USH2A: variants seen among roughly 807,000 people sequenced by gnomAD.
The protein encoded by USH2A is Usher syndrome 2A (autosomal recessive, mild).
USH2A carries 443 observed loss-of-function variants against 538.9 expected under a neutral mutation model. That is an observed-to-expected ratio of 0.82 (90% CI 0.76 to 0.89). The LOEUF (loss-of-function observed/expected upper bound fraction) is 0.89, where lower values mean the gene tolerates loss of function less well. Ranked by LOEUF, USH2A falls within the 40% of genes least tolerant of loss-of-function variation. USH2A has a pLI of 0.00. For missense variants in USH2A, 6,633 were observed against 6,324.8 expected (o/e 1.05, Z -1.65); for synonymous variants, 2,413 against 2,273.5 (o/e 1.06, Z -1.75).
intron 35 of USH2A, among the ~76,000 whole-genome samples, chr1:215,983,026 C>G (rs1280632570): frequency 1.3e-5 from 2 of 152,212 alleles, no homozygotes; most frequent in Non-Finnish European, 2.9e-5. Context: ...TCTCGGCTCA[C>G]TGGAACCTCC....
chr1:215,657,390 A>T (rs2102650100), intron 64 of USH2A, among the ~76,000 whole-genome samples: 1 of 152,384 alleles, frequency 6.6e-6, no homozygotes, highest in East Asian at 1.9e-4. Flanking sequence ...CAATGCAATG[A>T]ATTTGAAATT....
intron 30 of USH2A, among the ~76,000 whole-genome samples, chr1:216,068,832 C>T (rs539264887): frequency 2.6e-4 from 39 of 152,228 alleles, no homozygotes; most frequent in African/African-American, 8.4e-4. Context: ...ATTCATCCAA[C>T]CCCTAATAAC....
chr1:215,948,703 T>G (rs1194765981), intron 37 of USH2A, among the ~76,000 whole-genome samples: 1 of 152,042 alleles, frequency 6.6e-6, no homozygotes, highest in Non-Finnish European at 1.5e-5. Flanking sequence ...GGACATAATT[T>G]TATAAGGATT....
chr1:216,291,756 A>C (rs1410845546), intron 10 of USH2A, among the ~76,000 whole-genome samples: 1 of 152,240 alleles, frequency 6.6e-6, no homozygotes, highest in African/African-American at 2.4e-5. Context: ...ACCAGTGTCC[A>C]TGCCAAATCT....
At chr1:216,287,517 T>C (rs2036909243) in intron 11 of USH2A, among the ~76,000 whole-genome samples, 1 of 152,148 alleles carries the variant, frequency 6.6e-6, no homozygotes, top group Non-Finnish European at 1.5e-5. Context: ...TAGATTGAAA[T>C]TGATTATGGT....
At chr1:216,419,486 A>G (rs2039639233) in intron 2 of USH2A, among the ~76,000 whole-genome samples, 1 of 151,988 alleles carries the variant, frequency 6.6e-6, no homozygotes, top group African/African-American at 2.4e-5. Flanking sequence ...TCACCTGGTT[A>G]CCTCCTACTT....
At chr1:216,078,759 A>G (rs1432805164) in intron 26 of USH2A, among the ~76,000 whole-genome samples, 4 of 152,160 alleles carry the variant, frequency 2.6e-5, no homozygotes, top group Admixed American at 2.6e-4. Flanking sequence ...ATACTACTTC[A>G]TATATCAATT....
chr1:216,386,526 ACAAAAAC>A (rs1348366647), intron 3 of USH2A, among the ~76,000 whole-genome samples: 12 of 103,648 alleles, frequency 1.2e-4, no homozygotes, highest in Admixed American at 4.7e-4. Context: ...CAAACAAAAA[ACAAAAAC>A]CAAAAAACTA....
chr1:216,386,967 CT>C (rs2039019566), intron 3 of USH2A, among the ~76,000 whole-genome samples: 1 of 152,192 alleles, frequency 6.6e-6, no homozygotes, highest in African/African-American at 2.4e-5. Context: ...ACTCTAAGAA[CT>C]TTATCACAGA....
chr1:215,647,599 T>C lies in USH2A; in HGVS notation c.14714A>G (p.Tyr4905Cys), dbSNP rs773483806. 6 of 1,614,098 alleles carry C rather than the reference T, an allele frequency of 3.7e-6. No individual in the cohort carries two copies. Among genetic ancestry groups the C allele is most frequent in the Non-Finnish European group, 5.1e-6 (6 of 1,180,018 alleles). The change falls in exon 67 of 72, where the codon TAC (tyrosine) becomes TGC (cysteine). Residue 4905 changes from tyrosine to cysteine, a missense_variant. Transcript: ENST00000307340. ...GTTGTGTGCCACCACTCTCAGCTTGTATGTGGTGTAGGGCTGGAGACCCCC... is the reference window on the plus strand; with the variant it reads ...GTTGTGTGCCACCACTCTCAGCTTGCATGTGGTGTAGGGCTGGAGACCCCC... ...SLGGLQPYTT[Y>C]KLRVVAHNEV...
chr1:216,418,198 T>A (rs1410475987), intron 3 of USH2A, among the ~76,000 whole-genome samples: 2 of 152,100 alleles, frequency 1.3e-5, no homozygotes, highest in Non-Finnish European at 2.9e-5. Flanking sequence ...AAATGAGCCC[T>A]TACACATTTT....
intron 44 of USH2A, 133 bp from the exon 45 acceptor site, chr1:215,846,166 A>G (rs1282845292): frequency 4.9e-6 from 4 of 808,986 alleles, no homozygotes; most frequent in Admixed American, 4.9e-5. Flanking sequence ...TGTTAAAAAA[A>G]GCTTATGAGA....
intron 49 of USH2A, among the ~76,000 whole-genome samples, chr1:215,812,909 A>G (rs1662736229): frequency 6.6e-6 from 1 of 152,180 alleles, no homozygotes; most frequent in Non-Finnish European, 1.5e-5. Context: ...ACATACTTAT[A>G]TTCACATTTT....
intron 43 of USH2A, among the ~76,000 whole-genome samples, chr1:215,870,062 G>A (rs1664582801): frequency 6.6e-6 from 1 of 152,048 alleles, no homozygotes; most frequent in Admixed American, 6.6e-5. Context: ...AAAAAACCCT[G>A]AGACCCTGAG....
At chr1:215,766,113 C>G (rs1661119706) in intron 56 of USH2A, among the ~76,000 whole-genome samples, 1 of 152,182 alleles carries the variant, frequency 6.6e-6, no homozygotes, top group South Asian at 2.1e-4. Flanking sequence ...GGTTGTACAT[C>G]TCTGTACATC....
At chr1:216,296,280 A>T (rs1018120414) in intron 9 of USH2A, among the ~76,000 whole-genome samples, 2 of 152,088 alleles carry the variant, frequency 1.3e-5, no homozygotes, top group East Asian at 3.9e-4. Context: ...ATGGTCAATT[A>T]AAATATCACT....
chr1:215,670,964 T>C lies in USH2A; in HGVS notation c.14133+8A>G. The C allele has an allele frequency of 6.2e-7, 1 of 1,613,836 alleles. No individual in the cohort carries two copies. Among genetic ancestry groups the C allele is most frequent in the Non-Finnish European group, 8.5e-7 (1 of 1,179,734 alleles). Reference sequence around the variant, plus strand: ...CAGCTCGAATTGTTTATAATACACATTTCTTACCTGATACTCATACTCTGT... The same window carrying C: ...CAGCTCGAATTGTTTATAATACACACTTCTTACCTGATACTCATACTCTGT... On this transcript the variant is annotated splice_region_variant and intron_variant, in intron 64 of 71. Transcript: ENST00000307340.
intron 4 of USH2A, among the ~76,000 whole-genome samples, chr1:216,352,476 C>T (rs2038306138): frequency 6.6e-6 from 1 of 152,026 alleles, no homozygotes; most frequent in African/African-American, 2.4e-5. Context: ...ACAAGTGTAG[C>T]TTAAGTGCAG....
chr1:216,083,008 G>C (rs1020458945), intron 26 of USH2A, among the ~76,000 whole-genome samples: 1 of 152,062 alleles, frequency 6.6e-6, no homozygotes, highest in Non-Finnish European at 1.5e-5. Flanking sequence ...AGATAGGAAA[G>C]ACTTTATAGA....
Sources: allele counts gnomAD v4.1 joint callset (sites outside exome capture counted in the v4.1 genomes callset), GRCh38; gene constraint gnomAD v4.1.1; transcripts MANE v1.5; gene names NCBI Gene and HGNC (gene_info 2026-07-23, HGNC 2026-07-21).